The following HECW1 variants were observed in gnomAD, a reference collection of about 807,000 sequenced individuals.
HECW1 encodes the protein E3 ubiquitin-protein ligase HECW1.
HECW1 carries 61 observed loss-of-function variants against 182.3 expected under a neutral mutation model. The observed-to-expected ratio is 0.33, with a 90% CI of 0.27 to 0.41. The LOEUF (loss-of-function observed/expected upper bound fraction) is 0.41, where lower values mean the gene tolerates loss of function less well. Ranked by LOEUF, HECW1 falls within the 10% of genes least tolerant of loss-of-function variation. The probability of loss-of-function intolerance (pLI) is 1.00; values close to 1 mark genes in which losing one functional copy is unlikely to be tolerated. For missense variants in HECW1, 1,739 were observed against 2,108.9 expected, an observed-to-expected ratio of 0.82 and a Z score of 3.44; for synonymous variants, 859 against 832.6, an observed-to-expected ratio of 1.03 and a Z score of -0.55.
intron 5 of HECW1, among the ~76,000 whole-genome samples, chr7:43,331,282 A>G (rs1562846099): frequency 6.6e-6 from 1 of 152,070 alleles, no homozygotes; most frequent in Non-Finnish European, 1.5e-5. Context: ...GATGGTTTCT[A>G]GCTTCATCCA....
At chr7:43,332,022 T>A (rs916492805) in intron 5 of HECW1, among the ~76,000 whole-genome samples, 8 of 152,020 alleles carry the variant, frequency 5.3e-5, no homozygotes, top group Non-Finnish European at 1.0e-4. Context: ...GAAGTGTGGG[T>A]GACGCAGGTG....
chr7:43,173,714 G>A (rs528804981), intron 2 of HECW1, among the ~76,000 whole-genome samples: 6 of 152,302 alleles, frequency 3.9e-5, no homozygotes, highest in African/African-American at 9.6e-5. Flanking sequence ...CTCACCTCCC[G>A]CTGTGCAGCC....
intron 3 of HECW1, among the ~76,000 whole-genome samples, chr7:43,292,994 G>A (rs560637232): frequency 2.2e-4 from 34 of 152,162 alleles, no homozygotes; most frequent in Admixed American, 5.2e-4. Flanking sequence ...GGAGGCCAAG[G>A]CGGGTGGATC....
chr7:43,120,686 G>A (rs996275604), intron 2 of HECW1, among the ~76,000 whole-genome samples: 2 of 151,830 alleles, frequency 1.3e-5, no homozygotes, highest in Non-Finnish European at 2.9e-5. Flanking sequence ...CTCTGTAACC[G>A]AGGCTTGAGT....
intron 3 of HECW1, among the ~76,000 whole-genome samples, chr7:43,306,160 G>A (rs1029916866): frequency 5.3e-5 from 8 of 152,098 alleles, no homozygotes; most frequent in Non-Finnish European, 1.0e-4. Flanking sequence ...GCCTCCCAAA[G>A]TGCTGGGATT....
chr7:43,319,794 G>C (rs1298347475), intron 4 of HECW1, among the ~76,000 whole-genome samples: 1 of 56,300 alleles, frequency 1.8e-5, no homozygotes, highest in Non-Finnish European at 2.7e-5. Context: ...TTTTTTTTTG[G>C]TAGAGACAAT....
Position 43,500,762 on chromosome 7 carries a change from G to A in HECW1, c.3501G>A (p.Ala1167=), listed in dbSNP as rs770399380. 105 of 1,613,544 alleles carry A rather than the reference G, an allele frequency of 6.5e-5. No individual in the cohort carries two copies. Among genetic ancestry groups the A allele is most frequent in the African/African-American group, 2.5e-4 (19 of 74,872 alleles). ...GGCTTGAGAAGTTGTCCTGTGATGC[G>A]GATCTGGTCATTTTGCTGAGGTAGG... ...NHGLEKLSCD[A]DLVILLSLFE... Residue 1167 remains alanine (A), a synonymous_variant, in exon 20 of 30, where the codon GCG becomes GCA. Transcript: ENST00000395891.
At chr7:43,548,925 C>CAGAGTG in intron 26 of HECW1, among the ~76,000 whole-genome samples, 1 of 152,292 alleles carries the variant, frequency 6.6e-6, no homozygotes, top group East Asian at 1.9e-4. Flanking sequence ...GCCTGGGTGA[C>CAGAGTG]AGAGTGAGAC....
chr7:43,125,213 CCAAGT>C (rs1485356267), intron 2 of HECW1, among the ~76,000 whole-genome samples: 1 of 152,040 alleles, frequency 6.6e-6, no homozygotes, highest in Non-Finnish European at 1.5e-5. Context: ...GGCTCCTCCT[CCAAGT>C]ATCATCACAC....
chr7:43,402,776 T>C (rs1465181303), intron 7 of HECW1, among the ~76,000 whole-genome samples: 3 of 152,226 alleles, frequency 2.0e-5, no homozygotes, highest in Admixed American at 6.5e-5. Context: ...CAAAGCAAGA[T>C]TGCTCATGCA....
intron 27 of HECW1, among the ~76,000 whole-genome samples, chr7:43,551,911 A>G (rs1054132702): frequency 6.6e-6 from 1 of 152,122 alleles, no homozygotes; most frequent in African/African-American, 2.4e-5. Flanking sequence ...ATGTGGAGGA[A>G]GGGACACGGG....
intron 3 of HECW1, chr7:43,274,478 G>A (rs1802832942): frequency 1.1e-5 from 7 of 620,328 alleles, no homozygotes; most frequent in Admixed American, 4.3e-5. Flanking sequence ...GGCCGGCACC[G>A]CACCCAGGCC....
At chr7:43,547,439 C>G (rs1044776340) in intron 26 of HECW1, among the ~76,000 whole-genome samples, 3 of 151,844 alleles carry the variant, frequency 2.0e-5, no homozygotes, top group Non-Finnish European at 4.4e-5. Context: ...CTCAGCTACT[C>G]GGGAGGCTGA....
At chr7:43,274,515 G>A (rs2152743287) in intron 3 of HECW1, 2 of 594,316 alleles carry the variant, frequency 3.4e-6, no homozygotes, top group Non-Finnish European at 6.3e-6. Context: ...TGAAGGTGGA[G>A]GAGATCGCAG....
chr7:43,247,169 C>G (rs1799452252), intron 3 of HECW1, among the ~76,000 whole-genome samples: 1 of 152,200 alleles, frequency 6.6e-6, no homozygotes, highest in Admixed American at 6.5e-5. Flanking sequence ...ACTACAATGC[C>G]AAGGTGTGAT....
chr7:43,126,279 C>T (rs1786237825), intron 2 of HECW1, among the ~76,000 whole-genome samples: 2 of 152,004 alleles, frequency 1.3e-5, no homozygotes, highest in South Asian at 4.1e-4. Context: ...AGAAAAATTC[C>T]TCTCTTTACT....
chr7:43,138,639 C>T (rs1397384678), intron 2 of HECW1, among the ~76,000 whole-genome samples: 1 of 152,188 alleles, frequency 6.6e-6, no homozygotes, highest in African/African-American at 2.4e-5. Flanking sequence ...TTTGCTTTTA[C>T]ATAAGTTGGA....
chr7:43,191,985 G>T (rs1270237016), intron 2 of HECW1, among the ~76,000 whole-genome samples: 17 of 150,242 alleles, frequency 1.1e-4, no homozygotes, highest in African/African-American at 4.9e-5. Flanking sequence ...TTGAGATGGA[G>T]TCTCACTCTT....
chr7:43,336,324 C>G (rs1812284679), intron 5 of HECW1, among the ~76,000 whole-genome samples: 1 of 151,714 alleles, frequency 6.6e-6, no homozygotes, highest in Admixed American at 6.6e-5. Flanking sequence ...CACCACCATG[C>G]CCAGCTACTT....
Sources: gnomAD v4.1 joint callset for allele counts (sites outside exome capture counted in the v4.1 genomes callset) on GRCh38, gnomAD v4.1.1 for gene constraint, MANE v1.5 for transcripts, NCBI Gene and HGNC (gene_info 2026-07-23, HGNC 2026-07-21) for gene names.